The following CHMP5 variants were observed in gnomAD, a reference collection of about 807,000 sequenced individuals.
CHMP5 encodes the protein charged multivesicular body protein 5, also known as SNF7 domain containing 2.
A neutral mutation model predicts 33.0 loss-of-function variants in CHMP5; 17 were observed. The ratio of observed to expected loss-of-function variants is 0.52; its 90% CI spans 0.35 to 0.77. The LOEUF is 0.77. CHMP5 is among the 30% of genes least tolerant of loss of function. The probability of loss-of-function intolerance (pLI) is 0.01; values close to 1 mark genes in which losing one functional copy is unlikely to be tolerated. For missense variants in CHMP5, 216 were observed against 261.5 expected (o/e 0.83, Z 1.20); for synonymous variants, 76 against 90.2 (o/e 0.84, Z 0.89).
chr9:33,280,931 A>AT lies in CHMP5; in HGVS notation c.*75dup. On this transcript the variant is annotated 3_prime_UTR_variant, in exon 8 of 8. Coordinates refer to ENST00000223500, the MANE Select transcript of CHMP5 (RefSeq NM_016410.6). Reference sequence around the variant, plus strand: ...GACTAGGAAATATTTATCTTTCCAAATTTGCCATAACAGATTTAGGTTTCT... The same window carrying AT: ...GACTAGGAAATATTTATCTTTCCAAATTTTGCCATAACAGATTTAGGTTTCT... 2 of 1,314,234 alleles carry AT rather than the reference A, an allele frequency of 1.5e-6. No individual in the cohort carries two copies. The allele number at this position is 1,314,234 out of a possible 1,614,324, so 81.4% of individuals were successfully genotyped here.
intron 4 of CHMP5, 41 bp from the exon 5 acceptor site, chr9:33,271,111 T>C (rs1183900075): frequency 5.0e-6 from 7 of 1,404,704 alleles, no homozygotes; most frequent in African/African-American, 1.4e-5. Flanking sequence ...TTAACCAACA[T>C]GACTTACTAA....
intron 2 of CHMP5, among the ~76,000 whole-genome samples, chr9:33,266,915 G>A (rs1393344051): frequency 1.3e-5 from 2 of 152,172 alleles, no homozygotes; most frequent in Non-Finnish European, 2.9e-5. Context: ...AAAATACTGT[G>A]TTTAAGCACA....
intron 3 of CHMP5, 80 bp downstream of exon 3, chr9:33,267,979 C>T: frequency 1.0e-6 from 1 of 961,510 alleles, no homozygotes; most frequent in South Asian, 1.4e-5. Flanking sequence ...GGTTTTCATA[C>T]TATTTTCTAA....
At chr9:33,272,393 C>CAAAA (rs10710870) in intron 5 of CHMP5, among the ~76,000 whole-genome samples, 3 of 125,088 alleles carry the variant, frequency 2.4e-5, no homozygotes, top group African/African-American at 9.1e-5. Context: ...GGAGATAAAG[C>CAAAA]AAAAAAAAAA....
chr9:33,280,896 C>CAT lies in CHMP5; in HGVS notation c.*40_*41dup, dbSNP rs1455237695. On this transcript the variant is annotated 3_prime_UTR_variant, in exon 8 of 8. Transcript: ENST00000223500. Reference sequence around the variant, plus strand: ...TCAAGCATATCTTGTAAAACAAACACATATTATGGGACTAGGAAATATTTA... The same window carrying CAT: ...TCAAGCATATCTTGTAAAACAAACACATATATTATGGGACTAGGAAATATTTA... The CAT allele has an allele frequency of 8.5e-6, 13 of 1,532,670 alleles. No individual in the cohort carries two copies. The highest frequency in any genetic ancestry group is 1.2e-5 in the Non-Finnish European group (13 of 1,119,682). 94.9% of individuals were successfully genotyped at this position (1,532,670 alleles called of 1,614,324 possible). A position where few individuals can be genotyped will look rare whatever the true frequency, so the allele number is the denominator to read the frequency against.
At chr9:33,280,744 T>A in intron 7 of CHMP5, 65 bp from the exon 8 acceptor site, 1 of 1,426,360 alleles carries the variant, frequency 7.0e-7, no homozygotes, top group Non-Finnish European at 9.7e-7. Flanking sequence ...ATTAAATGTT[T>A]GTAATCCTTT....
chr9:33,275,984 G>A (rs1820850082), intron 5 of CHMP5, among the ~76,000 whole-genome samples: 1 of 152,124 alleles, frequency 6.6e-6, no homozygotes, highest in South Asian at 2.1e-4. Context: ...ACTCCAGCCT[G>A]GGTGACAAAG....
intron 1 of CHMP5, among the ~76,000 whole-genome samples, chr9:33,265,746 T>A (rs1820709282): frequency 6.6e-6 from 1 of 152,162 alleles, no homozygotes; most frequent in African/African-American, 2.4e-5. Context: ...CCAACTCAAC[T>A]CAGTGATTCT....
chr9:33,280,552 T>C (rs1820910060), intron 7 of CHMP5, among the ~76,000 whole-genome samples: 1 of 152,198 alleles, frequency 6.6e-6, no homozygotes, highest in African/African-American at 2.4e-5. Flanking sequence ...AGGTTTACTC[T>C]TAGATTTCTC....
chr9:33,279,240 G>T (rs1245869028), intron 7 of CHMP5, among the ~76,000 whole-genome samples: 1 of 152,118 alleles, frequency 6.6e-6, no homozygotes, highest in African/African-American at 2.4e-5. Flanking sequence ...GCTGGGCAAG[G>T]TGTGACTTTG....
At position 33,266,093 on chromosome 9, in the gene CHMP5, G is replaced by C; in HGVS notation, c.153G>C (p.Lys51Asn). The C allele has an allele frequency of 1.2e-6, 2 of 1,612,388 alleles. No individual in the cohort carries two copies. Among genetic ancestry groups the C allele is most frequent in the Non-Finnish European group, 1.7e-6 (2 of 1,178,674 alleles). The change falls in exon 2 of 8, where the codon AAG becomes AAC. Residue 51 changes from lysine to asparagine, a missense_variant. Physicochemically the swap from Lys to Asn is moderately conservative, Grantham distance 94. Transcript: ENST00000223500. ...TGAAGTATAAGGATCAGATCAAGAA[G>C]ATGAGAGAGGGTCCTGCAAAGGTAA... ...ELVKYKDQIK[K>N]MREGPAKNMV...
At chr9:33,280,751 C>CTT in intron 7 of CHMP5, 58 bp from the exon 8 acceptor site, 179 of 1,130,974 alleles carry the variant, frequency 1.6e-4, no homozygotes, top group Admixed American at 2.3e-4. Context: ...GTTTGTAATC[C>CTT]TTTTTTTTTT....
At position 33,266,078 on chromosome 9, in the gene CHMP5, G is replaced by A; in HGVS notation, c.138G>A (p.Lys46=). The change falls in exon 2 of 8, where the codon AAG becomes AAA. Residue 46 remains lysine (K), a synonymous_variant. Coordinates refer to ENST00000223500, the MANE Select transcript of CHMP5 (RefSeq NM_016410.6). ...TGGATGCTGAGCTAGTGAAGTATAA[G>A]GATCAGATCAAGAAGATGAGAGAGG... is the stretch of plus-strand genomic sequence containing the variant. ...SRLDAELVKY[K]DQIKKMREGP... 1 of 1,613,260 alleles carries A rather than the reference G, an allele frequency of 6.2e-7. No individual in the cohort carries two copies. The highest frequency in any genetic ancestry group is 1.7e-4 in the Middle Eastern group (1 of 6,060).
intron 5 of CHMP5, among the ~76,000 whole-genome samples, chr9:33,272,223 A>G (rs114179504): frequency 0.011 from 1,737 of 152,120 alleles, 31 homozygotes; most frequent in African/African-American, 0.04. Context: ...TGCATATAAA[A>G]TGGCGCTCTT....
chr9:33,268,074 C>T (rs1012663378), intron 3 of CHMP5, among the ~76,000 whole-genome samples, 175 bp downstream of exon 3: 1 of 152,158 alleles, frequency 6.6e-6, no homozygotes, highest in Non-Finnish European at 1.5e-5. Context: ...CAACTTCCAT[C>T]TAAATAGAAC....
chr9:33,275,377 A>AT (rs113104278), intron 5 of CHMP5, among the ~76,000 whole-genome samples: 3,376 of 152,000 alleles, frequency 0.022, 145 homozygotes, highest in African/African-American at 0.077. Context: ...CCCTTGGTCC[A>AT]TTTTTTTCAC....
Position 33,268,010 on chromosome 9 carries a change from A to C in CHMP5, c.221+111A>C, listed in dbSNP as rs1235162427. The stretch of plus-strand genomic sequence containing the variant: ...TCTAAGCACTCTTGATTTAATTACA[A>C]ATTTTCATTGACGTGTAATTAAATA... On this transcript the variant is annotated intron_variant, in intron 3 of 7. Transcript: ENST00000223500. 4 of 745,330 alleles carry C rather than the reference A, an allele frequency of 5.4e-6. No individual in the cohort carries two copies. In the Admixed American group the frequency reaches 7.4e-5, roughly 14 times the overall value. 46.2% of individuals were successfully genotyped at this position (745,330 alleles called of 1,614,324 possible).
intron 7 of CHMP5, 101 bp from the exon 8 acceptor site, chr9:33,280,708 T>G: frequency 1.8e-6 from 2 of 1,125,660 alleles, no homozygotes; most frequent in Non-Finnish European, 2.6e-6. Flanking sequence ...TTTGATTGAT[T>G]AAATACTTGG....
At chr9:33,272,249 G>C (rs1820802764) in intron 5 of CHMP5, among the ~76,000 whole-genome samples, 1 of 152,004 alleles carries the variant, frequency 6.6e-6, no homozygotes, top group East Asian at 1.9e-4. Flanking sequence ...TTACCCCCCT[G>C]ACTAGAATGT....
Sources: allele counts gnomAD v4.1 joint callset (sites outside exome capture counted in the v4.1 genomes callset), GRCh38; gene constraint gnomAD v4.1.1; transcripts MANE v1.5; gene names NCBI Gene and HGNC (gene_info 2026-07-23, HGNC 2026-07-21).